ZFAND6: variants seen among roughly 807,000 people sequenced by gnomAD.
ZFAND6 encodes the protein AN1-type zinc finger protein 6.
In ZFAND6, 12 loss-of-function variants were observed where a neutral mutation model predicts 24.5. That is an observed-to-expected ratio of 0.49 (90% CI 0.31 to 0.79). The LOEUF is 0.79. Ranked by LOEUF, ZFAND6 falls within the 30% of genes least tolerant of loss-of-function variation. The pLI is 0.04. For missense variants in ZFAND6, 207 were observed against 245.9 expected (o/e 0.84, Z 1.06); for synonymous variants, 92 against 81.5 (o/e 1.13, Z -0.69).
In ZFAND6 at chr15:80,062,045, A is replaced by G. The variant is rs760093124; in HGVS notation, c.-181+2236A>G. 4.3e-4 allele frequency among the ~76,000 whole-genome samples: 66 copies of G among 152,196 alleles called. 1 individual carries two copies. Among genetic ancestry groups the G allele is most frequent in the Non-Finnish European group, 8.2e-4 (56 of 68,022 alleles). The stretch of plus-strand genomic sequence containing the variant: ...GAAGTCACATTGTAAAAAGTCTGGC[A>G]CTGTTTGGTATCTCCTTTTCAATGC... On this transcript the variant is annotated intron_variant, in intron 1 of 6. Coordinates refer to ENST00000261749, the MANE Select transcript of ZFAND6 (RefSeq NM_019006.4).
chr15:80,077,716 TGGA>T (rs2037372140), intron 1 of ZFAND6, among the ~76,000 whole-genome samples: 1 of 143,818 alleles, frequency 7.0e-6, no homozygotes, highest in Non-Finnish European at 1.5e-5. Flanking sequence ...TTTTTTTTTT[TGGA>T]GACAGAGTCT....
At chr15:80,120,203 G>T in intron 2 of ZFAND6, 125 bp from the exon 3 acceptor site, 1 of 737,880 alleles carries the variant, frequency 1.4e-6, no homozygotes. Context: ...CTATGTCTTG[G>T]GACAGTTATG....
intron 1 of ZFAND6, among the ~76,000 whole-genome samples, chr15:80,069,956 C>A (rs535237197): frequency 1.3e-5 from 2 of 152,182 alleles, no homozygotes; most frequent in East Asian, 1.9e-4. Context: ...CAGAGTTTAT[C>A]CTTAGTGATC....
At chr15:80,106,196 G>A (rs182903924) in intron 2 of ZFAND6, among the ~76,000 whole-genome samples, 20 of 152,294 alleles carry the variant, frequency 1.3e-4, no homozygotes, top group Middle Eastern at 3.4e-3. Context: ...ATGGAATTTT[G>A]CTATGTCTTT....
At chr15:80,105,589 A>G (rs956983281) in intron 2 of ZFAND6, among the ~76,000 whole-genome samples, 3 of 152,214 alleles carry the variant, frequency 2.0e-5, no homozygotes, top group African/African-American at 4.8e-5. Context: ...GACCCCCTCA[A>G]AATTCTATGA....
chr15:80,100,167 C>T (rs991835434), intron 2 of ZFAND6, among the ~76,000 whole-genome samples: 1 of 152,226 alleles, frequency 6.6e-6, no homozygotes, highest in East Asian at 1.9e-4. Context: ...CACTTTAATG[C>T]AGTTTTAGGG....
chr15:80,128,135 G>T (rs1197371659), intron 5 of ZFAND6, among the ~76,000 whole-genome samples: 2 of 152,184 alleles, frequency 1.3e-5, no homozygotes, highest in African/African-American at 4.8e-5. Context: ...AAACAGGCTA[G>T]TCATACAGAA....
intron 6 of ZFAND6, among the ~76,000 whole-genome samples, chr15:80,135,936 C>G (rs778927233): frequency 1.3e-5 from 2 of 152,268 alleles, no homozygotes; most frequent in South Asian, 4.1e-4. Flanking sequence ...CCAACCTGGA[C>G]TACATAGTGA....
intron 6 of ZFAND6, among the ~76,000 whole-genome samples, chr15:80,135,816 C>T (rs2040834901): frequency 6.6e-6 from 1 of 151,894 alleles, no homozygotes; most frequent in Non-Finnish European, 1.5e-5. Flanking sequence ...CATACCTTAG[C>T]ACATGTACAT....
chr15:80,113,921 C>T (rs2039735669), intron 2 of ZFAND6, among the ~76,000 whole-genome samples: 1 of 151,816 alleles, frequency 6.6e-6, no homozygotes, highest in Non-Finnish European at 1.5e-5. Flanking sequence ...GTAGAAGAGG[C>T]TTGAGGTGGT....
intron 1 of ZFAND6, among the ~76,000 whole-genome samples, chr15:80,084,261 G>T (rs1156366290): frequency 6.6e-6 from 1 of 151,990 alleles, no homozygotes; most frequent in East Asian, 1.9e-4. Context: ...TTCGAAATTT[G>T]AAATACTCCA....
intron 1 of ZFAND6, among the ~76,000 whole-genome samples, chr15:80,092,454 G>A (rs892644170): frequency 1.3e-5 from 2 of 151,938 alleles, no homozygotes; most frequent in Non-Finnish European, 2.9e-5. Flanking sequence ...AAACAACTGC[G>A]TATCCTCATT....
At chr15:80,107,210 C>T (rs914096704) in intron 2 of ZFAND6, among the ~76,000 whole-genome samples, 5 of 150,408 alleles carry the variant, frequency 3.3e-5, no homozygotes, top group South Asian at 2.1e-4. Context: ...AGCAAAATTC[C>T]GTGTCAAAAA....
chr15:80,137,771 A>G lies in ZFAND6; in HGVS notation c.*143A>G. 1.2e-6 allele frequency: 1 copy of G among 837,756 alleles called. No individual in the cohort carries two copies. The highest frequency in any genetic ancestry group is 1.7e-6 in the Non-Finnish European group (1 of 589,752). The allele number at this position is 837,756 out of a possible 1,614,324, so 51.9% of individuals were successfully genotyped here. Reference sequence around the variant, plus strand: ...AGATTTTTGTTTTGGTTTTGTTTTGAAAATGACTCTGAACATTTATTTCCA... The same window carrying G: ...AGATTTTTGTTTTGGTTTTGTTTTGGAAATGACTCTGAACATTTATTTCCA... On this transcript the variant is annotated 3_prime_UTR_variant, in exon 7 of 7. Transcript: ENST00000261749.
At chr15:80,076,054 T>C (rs906417298) in intron 1 of ZFAND6, among the ~76,000 whole-genome samples, 1 of 152,164 alleles carries the variant, frequency 6.6e-6, no homozygotes, top group Admixed American at 6.5e-5. Flanking sequence ...TCTGTGTCTT[T>C]TGCAAATGTT....
chr15:80,106,573 T>C (rs1252876035), intron 2 of ZFAND6, among the ~76,000 whole-genome samples: 1 of 150,864 alleles, frequency 6.6e-6, no homozygotes, highest in Admixed American at 6.7e-5. Context: ...ATTTTTTCAG[T>C]ATGTTAAATT....
chr15:80,068,841 G>A (rs2036812639), intron 1 of ZFAND6, among the ~76,000 whole-genome samples: 1 of 152,230 alleles, frequency 6.6e-6, no homozygotes, highest in Non-Finnish European at 1.5e-5. Context: ...GCACTGGTCT[G>A]ACTCGACCAT....
At chr15:80,119,597 G>A (rs2040055930) in intron 2 of ZFAND6, among the ~76,000 whole-genome samples, 1 of 149,900 alleles carries the variant, frequency 6.7e-6, no homozygotes, top group African/African-American at 2.4e-5. Flanking sequence ...AAAAAAAACT[G>A]CATACATTCT....
At chr15:80,130,393 A>T (rs1390403362) in intron 5 of ZFAND6, 1 of 152,158 alleles carries the variant, frequency 6.6e-6, no homozygotes, top group Non-Finnish European at 1.5e-5. Flanking sequence ...GGGAAAGTCT[A>T]GTTGGGGATA....
Sources: gnomAD v4.1 joint callset for allele counts (sites outside exome capture counted in the v4.1 genomes callset) on GRCh38, gnomAD v4.1.1 for gene constraint, MANE v1.5 for transcripts, NCBI Gene and HGNC (gene_info 2026-07-23, HGNC 2026-07-21) for gene names.